ARL15: variants seen among roughly 807,000 people sequenced by gnomAD.
ARL15 encodes the protein ARF like GTPase 15, also known as ADP-ribosylation factor-like protein 15.
Under a neutral mutation model 25.2 loss-of-function variants are expected in ARL15, and 19 were observed. That is an observed-to-expected ratio of 0.75 (90% CI 0.53 to 1.10). ARL15 has a LOEUF of 1.10. ARL15 is among the 50% of genes least tolerant of loss of function. The pLI is 0.00. For synonymous variants in ARL15, 94 were observed against 86.8 expected (o/e 1.08, Z -0.46); for missense variants, 220 against 246.0 (o/e 0.89, Z 0.71).
chr5:54,255,855 T>G (rs1478563724), intron 1 of ARL15, among the ~76,000 whole-genome samples: 1 of 152,166 alleles, frequency 6.6e-6, no homozygotes, highest in Non-Finnish European at 1.5e-5. Flanking sequence ...AATTTTAAAA[T>G]TCTTCAAGAT....
chr5:54,100,207 T>C (rs1171881031), intron 4 of ARL15, among the ~76,000 whole-genome samples: 1 of 152,136 alleles, frequency 6.6e-6, no homozygotes, highest in Admixed American at 6.6e-5. Context: ...TTATCATATA[T>C]TATTTAGAGA....
chr5:54,129,888 T>C (rs187135210), intron 3 of ARL15, among the ~76,000 whole-genome samples: 23 of 152,308 alleles, frequency 1.5e-4, no homozygotes, highest in Non-Finnish European at 3.1e-4. Context: ...CATCAATATA[T>C]GTAAAAGAAA....
intron 1 of ARL15, among the ~76,000 whole-genome samples, chr5:54,237,517 G>T (rs1411107393): frequency 6.6e-6 from 1 of 152,186 alleles, no homozygotes; most frequent in Non-Finnish European, 1.5e-5. Context: ...ACACCAAAAA[G>T]GGGGAATACA....
At chr5:53,912,588 C>T (rs1271785833) in intron 4 of ARL15, among the ~76,000 whole-genome samples, 1 of 152,140 alleles carries the variant, frequency 6.6e-6, no homozygotes, top group Non-Finnish European at 1.5e-5. Context: ...TTTTATATTT[C>T]TCCACCATAA....
At chr5:54,163,376 T>G (rs1754473887) in intron 2 of ARL15, among the ~76,000 whole-genome samples, 3 of 128,832 alleles carry the variant, frequency 2.3e-5, no homozygotes, top group South Asian at 2.7e-4. Context: ...TTTTTTTTTT[T>G]TTTTTTTTTT....
At chr5:54,009,811 A>G (rs77232298) in intron 4 of ARL15, among the ~76,000 whole-genome samples, 5,251 of 152,304 alleles carry the variant, frequency 0.034, 103 homozygotes, top group Non-Finnish European at 0.056. Context: ...GCAGGCAGGG[A>G]GAGTAGGGAA....
At chr5:54,063,489 A>G (rs766535704) in intron 4 of ARL15, among the ~76,000 whole-genome samples, 41 of 152,210 alleles carry the variant, frequency 2.7e-4, no homozygotes, top group Non-Finnish European at 5.3e-4. Flanking sequence ...AGTAAACCCA[A>G]AGATTTAAAT....
chr5:54,110,433 A>G lies in ARL15; in HGVS notation c.462+2769T>C, dbSNP rs531787147. 3.3e-5 allele frequency among the ~76,000 whole-genome samples: 5 copies of G among 152,194 alleles called. No individual in the cohort carries two copies. In the South Asian group the frequency reaches 1.0e-3, roughly 32 times the overall value. On this transcript the variant is annotated intron_variant, in intron 4 of 4. Coordinates refer to ENST00000504924, the MANE Select transcript of ARL15 (RefSeq NM_019087.3). ...ACATAAAATGTAATAATTTCAATGG[A>G]GTGAGAAGAAGAATCAATAGCCTTT...
Position 53,963,960 on chromosome 5 carries a change from C to T in ARL15, c.463-77247G>A, listed in dbSNP as rs969148651. On this transcript the variant is annotated intron_variant, in intron 4 of 4. Coordinates refer to ENST00000504924, the MANE Select transcript of ARL15 (RefSeq NM_019087.3). The stretch of plus-strand genomic sequence containing the variant: ...AATTTGCCTTATTTTTAAATGCTCT[C>T]GATTCAAAGATTCCCTTGATTTGAC... Among the ~76,000 whole-genome samples the T allele has an allele frequency of 2.6e-5, 4 of 152,150 alleles. No homozygotes were observed. The South Asian group carries it at 6.2e-4, about 24-fold the overall frequency.
chr5:53,923,872 T>A (rs922319084), intron 4 of ARL15, among the ~76,000 whole-genome samples: 7 of 130,588 alleles, frequency 5.4e-5, no homozygotes, highest in Non-Finnish European at 8.3e-5. Flanking sequence ...CTCAAAAAAA[T>A]AAAATAAAAT....
intron 1 of ARL15, among the ~76,000 whole-genome samples, chr5:54,179,711 T>A (rs950104300): frequency 1.3e-5 from 2 of 152,072 alleles, no homozygotes; most frequent in African/African-American, 4.8e-5. Flanking sequence ...CTGGAAAGGA[T>A]AAAACTTATG....
chr5:54,276,345 G>A (rs771784869), intron 1 of ARL15, among the ~76,000 whole-genome samples: 2 of 152,140 alleles, frequency 1.3e-5, no homozygotes, highest in Non-Finnish European at 2.9e-5. Context: ...TCTCCAAATG[G>A]TCATATATTA....
intron 4 of ARL15, among the ~76,000 whole-genome samples, chr5:53,966,661 G>A (rs1747576009): frequency 6.6e-6 from 1 of 152,224 alleles, no homozygotes; most frequent in Admixed American, 6.5e-5. Context: ...CTTGGTGGTG[G>A]AAAGCAACCC....
chr5:53,979,417 T>C (rs1239871897), intron 4 of ARL15, among the ~76,000 whole-genome samples: 1 of 152,058 alleles, frequency 6.6e-6, no homozygotes, highest in Non-Finnish European at 1.5e-5. Context: ...TATGTGCCTG[T>C]AGTCCCAGCT....
chr5:54,011,551 T>C (rs1749244262), intron 4 of ARL15, among the ~76,000 whole-genome samples: 1 of 152,128 alleles, frequency 6.6e-6, no homozygotes, highest in Admixed American at 6.5e-5. Context: ...GGGTGAAAAA[T>C]AGCATGAGTT....
chr5:54,044,919 G>A lies in ARL15; in HGVS notation c.462+68283C>T, dbSNP rs547214545. 1.2e-4 allele frequency among the ~76,000 whole-genome samples: 19 copies of A among 152,196 alleles called. No homozygotes were observed. In the South Asian group the frequency reaches 3.9e-3, roughly 32 times the overall value. On this transcript the variant is annotated intron_variant, in intron 4 of 4. Coordinates refer to ENST00000504924, the MANE Select transcript of ARL15 (RefSeq NM_019087.3). The stretch of plus-strand genomic sequence containing the variant: ...GATTTAAGATTTCCCTATTGGTTTT[G>A]TTTTAAAATGCACCTCTCTGGCCAT...
intron 4 of ARL15, among the ~76,000 whole-genome samples, chr5:53,967,740 T>C (rs770057784): frequency 4.1e-4 from 63 of 152,166 alleles, no homozygotes; most frequent in Non-Finnish European, 6.6e-4. Context: ...TGTGGTCATG[T>C]TGAGAGATTT....
chr5:54,181,061 T>C (rs532112690), intron 1 of ARL15, among the ~76,000 whole-genome samples: 11 of 152,198 alleles, frequency 7.2e-5, no homozygotes, highest in Non-Finnish European at 1.6e-4. Flanking sequence ...TTTTAAAAGT[T>C]AGGGCATGTA....
intron 4 of ARL15, among the ~76,000 whole-genome samples, chr5:53,902,266 T>G (rs1482180337): frequency 6.6e-6 from 1 of 152,232 alleles, no homozygotes; most frequent in Non-Finnish European, 1.5e-5. Context: ...GGAACGTGAT[T>G]TGATTTTGTC....
Sources: gnomAD v4.1 joint callset for allele counts (sites outside exome capture counted in the v4.1 genomes callset) on GRCh38, gnomAD v4.1.1 for gene constraint, MANE v1.5 for transcripts, NCBI Gene and HGNC (gene_info 2026-07-23, HGNC 2026-07-21) for gene names.